CNTNAP2: variants seen among roughly 807,000 people sequenced by gnomAD.
CNTNAP2 encodes the protein contactin associated protein 2.
CNTNAP2 carries 98 observed loss-of-function variants against 155.2 expected under a neutral mutation model. The observed-to-expected ratio is 0.63, with a 90% CI of 0.54 to 0.75. The LOEUF is 0.75. Among genes scored for constraint, CNTNAP2 ranks in the 30% least tolerant of loss-of-function variants. The pLI, the probability that CNTNAP2 is intolerant of heterozygous loss-of-function variation, is 0.00. For synonymous variants in CNTNAP2, 651 were observed against 631.2 expected (o/e 1.03, Z -0.47); for missense variants, 1,727 against 1,688.1 (o/e 1.02, Z -0.40).
intron 22 of CNTNAP2, among the ~76,000 whole-genome samples, chr7:148,386,564 G>T (rs1799201008): frequency 6.6e-6 from 1 of 152,142 alleles, no homozygotes; most frequent in African/African-American, 2.4e-5. Context: ...GAGGTTTATT[G>T]AAATAATATG....
intron 13 of CNTNAP2, among the ~76,000 whole-genome samples, chr7:147,795,099 A>G (rs2116579102): frequency 6.6e-6 from 1 of 150,862 alleles, no homozygotes; most frequent in South Asian, 2.1e-4. Context: ...TCTCCACTCT[A>G]GCTTTTATTA....
At chr7:147,912,262 C>T (rs1800080129) in intron 14 of CNTNAP2, among the ~76,000 whole-genome samples, 1 of 152,088 alleles carries the variant, frequency 6.6e-6, no homozygotes. Flanking sequence ...ATATTGATTC[C>T]AATTACACCC....
chr7:146,934,169 T>C (rs1042061575), intron 3 of CNTNAP2, among the ~76,000 whole-genome samples: 11 of 151,684 alleles, frequency 7.3e-5, no homozygotes, highest in African/African-American at 2.7e-4. Context: ...CTATTCACAA[T>C]AGCAAAGACT....
At chr7:147,881,486 A>C (rs1031912054) in intron 13 of CNTNAP2, among the ~76,000 whole-genome samples, 3 of 152,228 alleles carry the variant, frequency 2.0e-5, no homozygotes, top group African/African-American at 7.2e-5. Context: ...GCAAAGATAA[A>C]GTGAGATGGC....
chr7:148,073,226 A>G (rs1172378177), intron 15 of CNTNAP2, among the ~76,000 whole-genome samples: 1 of 152,212 alleles, frequency 6.6e-6, no homozygotes, highest in African/African-American at 2.4e-5. Context: ...TGCGTAGTAT[A>G]AGATAGCGTC....
At chr7:147,716,131 T>C (rs1433524280) in intron 13 of CNTNAP2, among the ~76,000 whole-genome samples, 6 of 152,168 alleles carry the variant, frequency 3.9e-5, no homozygotes, top group Non-Finnish European at 1.5e-5. Flanking sequence ...AGTAACATAA[T>C]ATAGCATGTA....
chr7:146,781,263 A>G (rs1802484259), intron 2 of CNTNAP2, among the ~76,000 whole-genome samples: 2 of 151,428 alleles, frequency 1.3e-5, no homozygotes. Flanking sequence ...ACCCTAGGTG[A>G]CAGGTTGATA....
At chr7:147,480,368 A>G (rs1798399842) in intron 10 of CNTNAP2, among the ~76,000 whole-genome samples, 1 of 152,184 alleles carries the variant, frequency 6.6e-6, no homozygotes, top group Non-Finnish European at 1.5e-5. Flanking sequence ...CCAGGTGTAA[A>G]GTTGGCATTA....
Position 148,076,422 on chromosome 7 carries a change from C to CTTTTTTTTTTTTTT in CNTNAP2, c.2384-41678_2384-41665dup, listed in dbSNP as rs771048326. On this transcript the variant is annotated intron_variant, in intron 15 of 23. Coordinates refer to ENST00000361727, the MANE Select transcript of CNTNAP2 (RefSeq NM_014141.6). Reference sequence around the variant, plus strand: ...TGTAGACCTATGATAGCTCTGACTTCTTTTTTTTTTTTTTTTTTTTTTTTT... The same window carrying CTTTTTTTTTTTTTT: ...TGTAGACCTATGATAGCTCTGACTTCTTTTTTTTTTTTTTTTTTTTTTTTTTTTTTTTTTTTTTT... Among the ~76,000 whole-genome samples the CTTTTTTTTTTTTTT allele has an allele frequency of 1.3e-3, 65 of 49,802 alleles. 9 individuals carry two copies. The highest frequency in any genetic ancestry group is 3.2e-3 in the East Asian group (4 of 1,250). The allele number at this position is 49,802 out of a possible 152,430, so 32.7% of individuals were successfully genotyped here.
intron 3 of CNTNAP2, among the ~76,000 whole-genome samples, chr7:146,963,416 C>T (rs894414337): frequency 2.6e-5 from 4 of 152,144 alleles, no homozygotes; most frequent in African/African-American, 9.7e-5. Context: ...ATGTCCTAAA[C>T]ATGTGTTATT....
intron 2 of CNTNAP2, among the ~76,000 whole-genome samples, chr7:146,815,338 A>G (rs1264191708): frequency 6.6e-6 from 1 of 152,172 alleles, no homozygotes; most frequent in Non-Finnish European, 1.5e-5. Flanking sequence ...GTTTAATCTT[A>G]CTTTAGACTC....
intron 13 of CNTNAP2, among the ~76,000 whole-genome samples, chr7:147,772,408 A>ATAT (rs60047449): frequency 1.5e-5 from 2 of 133,166 alleles, no homozygotes; most frequent in Admixed American, 8.0e-5. Flanking sequence ...TAAAAAAAAA[A>ATAT]ATATATATAT....
intron 1 of CNTNAP2, among the ~76,000 whole-genome samples, chr7:146,733,252 A>G (rs887416358): frequency 2.9e-4 from 44 of 152,284 alleles, no homozygotes; most frequent in African/African-American, 1.0e-3. Flanking sequence ...AAACTGTGAC[A>G]GCTACAAACT....
At chr7:147,355,169 G>A (rs1300956956) in intron 9 of CNTNAP2, among the ~76,000 whole-genome samples, 1 of 151,778 alleles carries the variant, frequency 6.6e-6, no homozygotes, top group East Asian at 1.9e-4. Flanking sequence ...TATACTTGAG[G>A]GACGTGGTAA....
chr7:147,416,681 C>G (rs987708357), intron 10 of CNTNAP2, among the ~76,000 whole-genome samples: 1 of 152,170 alleles, frequency 6.6e-6, no homozygotes, highest in African/African-American at 2.4e-5. Context: ...GTCAAGTGCC[C>G]AGCCATAAAC....
Position 147,083,546 on chromosome 7 carries a change from A to ATG in CNTNAP2, c.551-24600_551-24599insGT, listed in dbSNP as rs1183352075. Among the ~76,000 whole-genome samples the ATG allele has an allele frequency of 1.0e-3, 130 of 128,572 alleles. 1 individual carries two copies. The highest frequency in any genetic ancestry group is 1.7e-3 in the Admixed American group (23 of 13,398). The allele number at this position is 128,572 out of a possible 152,430, so 84.3% of individuals were successfully genotyped here. On this transcript the variant is annotated intron_variant, in intron 4 of 23. Coordinates refer to ENST00000361727, the MANE Select transcript of CNTNAP2 (RefSeq NM_014141.6). ...TTTATATATATATATACATATATAT[A>ATG]TATGTATATATATATATACACATAT...
chr7:147,176,755 A>AATTCT lies in CNTNAP2; in HGVS notation c.1348+44249_1348+44250insCTATT, dbSNP rs1802351526. Among the ~76,000 whole-genome samples, 5 of 114,394 alleles carry AATTCT rather than the reference A, an allele frequency of 4.4e-5. No individual in the cohort carries two copies. The Admixed American group carries it at 5.0e-4, about 12-fold the overall frequency. 75.0% of individuals were successfully genotyped at this position (114,394 alleles called of 152,430 possible). A position where few individuals can be genotyped will look rare whatever the true frequency, so the allele number is the denominator to read the frequency against. On this transcript the variant is annotated intron_variant, in intron 8 of 23. Transcript: ENST00000361727. ...TAATAGAATTATAATTATAATATAT[A>AATTCT]ATTATAATTATATAGAATTATATAT...
intron 5 of CNTNAP2, among the ~76,000 whole-genome samples, chr7:147,111,675 T>G (rs1194989450): frequency 6.6e-6 from 1 of 152,208 alleles, no homozygotes; most frequent in African/African-American, 2.4e-5. Flanking sequence ...ATCAGGTGGT[T>G]ATAGGTGTAT....
At chr7:147,921,111 C>G (rs1024919936) in intron 14 of CNTNAP2, among the ~76,000 whole-genome samples, 2 of 150,238 alleles carry the variant, frequency 1.3e-5, no homozygotes, top group African/African-American at 4.9e-5. Context: ...GCCCTGCCTC[C>G]TTTTTTTTTT....
Sources: allele counts gnomAD v4.1 joint callset (sites outside exome capture counted in the v4.1 genomes callset), GRCh38; gene constraint gnomAD v4.1.1; transcripts MANE v1.5; gene names NCBI Gene and HGNC (gene_info 2026-07-23, HGNC 2026-07-21).